Variants in MCC observed in about 807,000 individuals in gnomAD.
MCC encodes the protein MCC regulator of Wnt signaling pathway, also known as colorectal mutant cancer protein.
Under a neutral mutation model 116.2 loss-of-function variants are expected in MCC, and 90 were observed. The observed-to-expected ratio is 0.77, with a 90% CI of 0.65 to 0.92. MCC has a LOEUF of 0.92. Ranked by LOEUF, MCC falls within the 40% of genes least tolerant of loss-of-function variation. The pLI is 0.00. For missense variants in MCC, 1,516 were observed against 1,312.2 expected, an observed-to-expected ratio of 1.16 and a Z score of -2.40; for synonymous variants, 578 against 510.5, an observed-to-expected ratio of 1.13 and a Z score of -1.78.
chr5:113,226,874 A>G (rs1433941151), intron 3 of MCC, among the ~76,000 whole-genome samples: 1 of 152,222 alleles, frequency 6.6e-6, no homozygotes. Context: ...TGTTTCTGCT[A>G]TTAACCAGTT....
In MCC at chr5:113,022,173, TAAATG is replaced by T. The variant is rs879071897; in HGVS notation, c.*5124_*5128del. 1.3e-5 allele frequency: 2 copies of T among 152,564 alleles called. No individual in the cohort carries two copies. Among genetic ancestry groups the T allele is most frequent in the East Asian group, 1.9e-4 (1 of 5,204 alleles). The allele number at this position is 152,564 out of a possible 1,614,324, so 9.5% of individuals were successfully genotyped here. A position where few individuals can be genotyped will look rare whatever the true frequency, so the allele number is the denominator to read the frequency against. On this transcript the variant is annotated 3_prime_UTR_variant, in exon 19 of 19. Transcript: ENST00000408903. The stretch of plus-strand genomic sequence containing the variant: ...AATATTATAAATGTCTCTGTATAAA[TAAATG>T]GAGTTTTTAAAAAACAATTCTATAT...
At chr5:113,232,418 C>T (rs1447648756) in intron 3 of MCC, among the ~76,000 whole-genome samples, 1 of 152,144 alleles carries the variant, frequency 6.6e-6, no homozygotes, top group Non-Finnish European at 1.5e-5. Flanking sequence ...ATAATAGCAA[C>T]AGGCCATGTG....
At chr5:113,198,268 T>G (rs1391975173) in intron 3 of MCC, among the ~76,000 whole-genome samples, 1 of 152,170 alleles carries the variant, frequency 6.6e-6, no homozygotes, top group Non-Finnish European at 1.5e-5. Flanking sequence ...GTCATTTGAG[T>G]CCTTCTTCCC....
intron 2 of MCC, among the ~76,000 whole-genome samples, chr5:113,362,304 G>A (rs1292019714): frequency 6.6e-6 from 1 of 152,194 alleles, no homozygotes; most frequent in African/African-American, 2.4e-5. Flanking sequence ...TGGGATTACA[G>A]GCATGAGCCA....
intron 1 of MCC, among the ~76,000 whole-genome samples, chr5:113,458,256 G>A (rs987762358): frequency 3.3e-5 from 5 of 152,030 alleles, no homozygotes; most frequent in South Asian, 2.1e-4. Flanking sequence ...CACTCACTGC[G>A]AAGGTCTGCA....
chr5:113,432,339 A>G (rs10075447), intron 1 of MCC, among the ~76,000 whole-genome samples: 3,117 of 146,330 alleles, frequency 0.021, 117 homozygotes, highest in African/African-American at 0.079. Context: ...AAAAAAAAAA[A>G]AAAAGAAAAG....
intron 17 of MCC, among the ~76,000 whole-genome samples, chr5:113,030,934 T>C (rs1005888950): frequency 6.6e-6 from 1 of 152,214 alleles, no homozygotes; most frequent in Non-Finnish European, 1.5e-5. Flanking sequence ...TTGTATATTT[T>C]CTGTAAAGTG....
At chr5:113,084,621 G>A (rs1004861657) in intron 9 of MCC, among the ~76,000 whole-genome samples, 2 of 122,820 alleles carry the variant, frequency 1.6e-5, no homozygotes, top group South Asian at 4.3e-4. Context: ...GGCTAGCAGA[G>A]CTACCAGGCA....
chr5:113,334,615 C>T (rs1581407485), intron 3 of MCC, among the ~76,000 whole-genome samples: 1 of 104,960 alleles, frequency 9.5e-6, no homozygotes, highest in Non-Finnish European at 1.8e-5. Flanking sequence ...TTTTGAGATG[C>T]AGTCTCGCTC....
chr5:113,166,735 C>CA (rs1760795748), intron 3 of MCC, among the ~76,000 whole-genome samples: 1 of 143,250 alleles, frequency 7.0e-6, no homozygotes, highest in Non-Finnish European at 1.5e-5. Flanking sequence ...ACCAAAAAAC[C>CA]AAAAAAACAA....
chr5:113,102,986 C>T lies in MCC; in HGVS notation c.1192-1041G>A, dbSNP rs150727877. On this transcript the variant is annotated intron_variant, in intron 7 of 18. Transcript: ENST00000408903. ...AAATTTAGCCGGGCGTGGTGGCGCC[C>T]GCCTGTAATCCCAGCTACTTGGGAG... Among the ~76,000 whole-genome samples the T allele has an allele frequency of 1.7e-3, 254 of 152,176 alleles. 3 individuals carry two copies. In the East Asian group the frequency reaches 0.045, roughly 27 times the overall value.
At chr5:113,043,355 T>C (rs1465445718) in intron 17 of MCC, among the ~76,000 whole-genome samples, 175 bp downstream of exon 17, 1 of 152,230 alleles carries the variant, frequency 6.6e-6, no homozygotes, top group African/African-American at 2.4e-5. Context: ...GTGCTCTCTC[T>C]TCTCACTGTT....
chr5:113,407,818 C>T (rs991558183), intron 1 of MCC, among the ~76,000 whole-genome samples: 1 of 148,914 alleles, frequency 6.7e-6, no homozygotes, highest in Admixed American at 6.7e-5. Flanking sequence ...ATCCCAGGAG[C>T]CCCTGTGTGT....
Position 113,220,057 on chromosome 5 carries a change from C to CTTTTTTTTTTTTTTTTTTTTTTTTTTTT in MCC, c.628-68636_628-68635insAAAAAAAAAAAAAAAAAAAAAAAAAAAA, listed in dbSNP as rs1229213218. ...AACTTTGGAATCTGCATGTCAATTT[C>CTTTTTTTTTTTTTTTTTTTTTTTTTTTT]TTTTTCTTTTTTTTTTTTGAGACGG... On this transcript the variant is annotated intron_variant, in intron 3 of 18. Coordinates refer to ENST00000408903, the MANE Select transcript of MCC (RefSeq NM_001085377.2). Among the ~76,000 whole-genome samples the CTTTTTTTTTTTTTTTTTTTTTTTTTTTT allele has an allele frequency of 8.8e-5, 7 of 79,498 alleles. 3 individuals are homozygous for CTTTTTTTTTTTTTTTTTTTTTTTTTTTT. Among genetic ancestry groups the CTTTTTTTTTTTTTTTTTTTTTTTTTTTT allele is most frequent in the Non-Finnish European group, 2.1e-4 (6 of 28,694 alleles). The allele number at this position is 79,498 out of a possible 152,430, so 52.2% of individuals were successfully genotyped here.
In MCC at chr5:113,119,388, G is replaced by A. The variant is rs148029476; in HGVS notation, c.1027+3296C>T. 2.3e-3 allele frequency among the ~76,000 whole-genome samples: 349 copies of A among 152,318 alleles called. 5 individuals are homozygous for A. The highest frequency in any genetic ancestry group is 6.0e-4 in the Non-Finnish European group (41 of 68,034). ...CTAGAGGGGAGGGCGGGGGGCCTTG[G>A]TGGAGACAGCTGCCGAGGAAGGAGG... is the stretch of plus-strand genomic sequence containing the variant. On this transcript the variant is annotated intron_variant, in intron 6 of 18. Transcript: ENST00000408903.
chr5:113,171,372 T>C (rs1276724872), intron 3 of MCC, among the ~76,000 whole-genome samples: 1 of 151,496 alleles, frequency 6.6e-6, no homozygotes, highest in East Asian at 2.0e-4. Flanking sequence ...TTTTTAATTT[T>C]TGAGACAGAG....
chr5:113,450,832 G>A (rs1461950550), intron 1 of MCC, among the ~76,000 whole-genome samples: 4 of 152,118 alleles, frequency 2.6e-5, no homozygotes, highest in Non-Finnish European at 4.4e-5. Flanking sequence ...TTCTTGAAAT[G>A]CTATTACAAA....
intron 3 of MCC, among the ~76,000 whole-genome samples, chr5:113,248,793 C>T (rs1182082491): frequency 6.6e-6 from 1 of 150,964 alleles, no homozygotes; most frequent in Non-Finnish European, 1.5e-5. Flanking sequence ...CCCTGGTTCT[C>T]AGTGCACATG....
chr5:113,258,261 T>A (rs13356847), intron 3 of MCC, among the ~76,000 whole-genome samples: 6,719 of 152,324 alleles, frequency 0.044, 496 homozygotes, highest in African/African-American at 0.15. Context: ...TACTGAATTG[T>A]GATGTAAAAA....
Sources: allele counts gnomAD v4.1 joint callset (sites outside exome capture counted in the v4.1 genomes callset), GRCh38; gene constraint gnomAD v4.1.1; transcripts MANE v1.5; gene names NCBI Gene and HGNC (gene_info 2026-07-23, HGNC 2026-07-21).